HMCN2: variants seen among roughly 807,000 people sequenced by gnomAD.
HMCN2 encodes the protein hemicentin 2.
HMCN2 carries 325 observed loss-of-function variants against 377.5 expected under a neutral mutation model. The observed-to-expected ratio is 0.86, with a 90% CI of 0.79 to 0.94. The LOEUF (loss-of-function observed/expected upper bound fraction) is 0.94. Ranked by LOEUF, HMCN2 falls within the 40% of genes least tolerant of loss-of-function variation. HMCN2 has a pLI of 0.00. For synonymous variants in HMCN2, 2,007 were observed against 2,046.8 expected (o/e 0.98, Z 0.53); for missense variants, 4,543 against 4,725.3 (o/e 0.96, Z 1.13).
Position 130,393,845 on chromosome 9 carries a change from C to T in HMCN2, c.10338C>T (p.Leu3446=), listed in dbSNP as rs538029335. 1.4e-4 allele frequency: 181 copies of T among 1,289,554 alleles called. No individual in the cohort carries two copies. The African/African-American group carries it at 2.2e-3, about 15-fold the overall frequency. The allele number at this position is 1,289,554 out of a possible 1,614,324, so 79.9% of individuals were successfully genotyped here. Residue 3446 remains leucine (L), a synonymous_variant, in exon 68 of 98, where the codon CTC becomes CTT. Transcript: ENST00000683500. This position sits in a 1 kb window ranked among gnomAD's most constrained non-coding sequence, Gnocchi z 5.2. The part of the protein sequence containing the change: ...PCEARGVPLP[L]VSWMKDGEPL... ...AGGCCCGGGGCGTTCCCCTGCCTCTCGTGTCGTGGATGAAGGATGGGGAAC... is the reference window on the plus strand; with the variant it reads ...AGGCCCGGGGCGTTCCCCTGCCTCTTGTGTCGTGGATGAAGGATGGGGAAC...
chr9:130,274,763 T>G (rs1481307159), intron 1 of HMCN2, among the ~76,000 whole-genome samples: 2 of 152,200 alleles, frequency 1.3e-5, no homozygotes, highest in Non-Finnish European at 2.9e-5. Flanking sequence ...CAACTTGCTT[T>G]CTTCCCCCCA....
At chr9:130,267,816 A>G (rs1834205373) in intron 1 of HMCN2, among the ~76,000 whole-genome samples, 1 of 152,178 alleles carries the variant, frequency 6.6e-6, no homozygotes, top group Non-Finnish European at 1.5e-5. Context: ...TCAGGGGGCA[A>G]CCAAGCTGGG....
chr9:130,417,581 G>T (rs1032679152), intron 85 of HMCN2, among the ~76,000 whole-genome samples: 3 of 151,924 alleles, frequency 2.0e-5, no homozygotes, highest in Admixed American at 2.0e-4. Context: ...GGTGTGGCAG[G>T]GGAGAGAGAG....
rs1227760400 is a variant in HMCN2, at chr9:130,419,025, G to A, written c.13215G>A (p.Ala4405=). ...HNLLGSATAR[A]FLVVRGEPQG... Reference sequence around the variant, plus strand: ...TCCTGGGCTCTGCCACAGCCCGGGCGTTCCTGGTCGTGAGAGGTATGGGGC... The same window carrying A: ...TCCTGGGCTCTGCCACAGCCCGGGCATTCCTGGTCGTGAGAGGTATGGGGC... Residue 4405 remains alanine (A), a synonymous_variant, in exon 86 of 98, where the codon GCG becomes GCA. Coordinates refer to ENST00000683500, the MANE Select transcript of HMCN2 (RefSeq NM_001291815.2). The A allele has an allele frequency of 6.0e-6, 9 of 1,488,880 alleles. No homozygotes were observed. Among genetic ancestry groups the A allele is most frequent in the African/African-American group, 1.4e-5 (1 of 71,330 alleles). 92.2% of individuals were successfully genotyped at this position (1,488,880 alleles called of 1,614,324 possible).
At position 130,355,851 on chromosome 9, in the gene HMCN2, T is replaced by A. The variant is rs1203581212; in HGVS notation, c.5252T>A (p.Ile1751Asn). Residue 1751 changes from isoleucine to asparagine, a missense_variant, in exon 33 of 98, where the codon ATC becomes AAC. Transcript: ENST00000683500. Reference sequence around the variant, plus strand: ...GCCTCAGGCTCCCCAGTACCCACTATCCAGTGAGTCTGGGGTGGTGGAGGC... The same window carrying A: ...GCCTCAGGCTCCCCAGTACCCACTAACCAGTGAGTCTGGGGTGGTGGAGGC... The part of the protein sequence containing the change: ...CQASGSPVPT[I>N]QWLQNGRPAE... 4.6e-6 allele frequency: 6 copies of A among 1,296,542 alleles called. No individual in the cohort carries two copies. The highest frequency in any genetic ancestry group is 1.0e-6 in the Non-Finnish European group (1 of 982,400). The allele number at this position is 1,296,542 out of a possible 1,614,324, so 80.3% of individuals were successfully genotyped here.
chr9:130,389,521 TCCAC>T (rs1842192251), intron 62 of HMCN2, among the ~76,000 whole-genome samples: 1 of 152,086 alleles, frequency 6.6e-6, no homozygotes, highest in Non-Finnish European at 1.5e-5. Context: ...TCTGGCTTCT[TCCAC>T]TTAGCGTGTT....
intron 59 of HMCN2, 116 bp downstream of exon 59, chr9:130,384,914 G>C: frequency 1.6e-6 from 1 of 630,102 alleles, no homozygotes; most frequent in Middle Eastern, 3.2e-4. Context: ...GGGGAGGCTG[G>C]GACGCCCGCA....
chr9:130,370,576 T>C (rs907385691), intron 45 of HMCN2, among the ~76,000 whole-genome samples: 3 of 152,246 alleles, frequency 2.0e-5, no homozygotes, highest in African/African-American at 7.2e-5. Flanking sequence ...AACTGCAGCG[T>C]TGCCACTTAG....
At chr9:130,278,164 A>G (rs1425108122) in intron 1 of HMCN2, among the ~76,000 whole-genome samples, 10 of 152,020 alleles carry the variant, frequency 6.6e-5, no homozygotes, top group East Asian at 3.9e-4. Context: ...TCGCTCTGTC[A>G]CCCAGGGTGG....
At chr9:130,285,102 G>A in intron 2 of HMCN2, 56 bp from the exon 3 acceptor site, 2 of 463,270 alleles carry the variant, frequency 4.3e-6, no homozygotes, top group East Asian at 7.0e-5. Context: ...ATGTCCCTGG[G>A]TGGGTCCCAT....
intron 25 of HMCN2, among the ~76,000 whole-genome samples, chr9:130,345,358 GTATGTGGTA>G (rs1191594027): frequency 1.3e-5 from 2 of 148,486 alleles, no homozygotes; most frequent in Non-Finnish European, 3.0e-5. Context: ...TGTGTGGTGT[GTATGTGGTA>G]TGTGTGGTAT....
chr9:130,329,866 A>C (rs1838332888), intron 22 of HMCN2, among the ~76,000 whole-genome samples: 1 of 151,354 alleles, frequency 6.6e-6, no homozygotes, highest in Non-Finnish European at 1.5e-5. Context: ...CAGACACACC[A>C]CACCCCCTCC....
chr9:130,432,621 C>G, intron 97 of HMCN2, 66 bp downstream of exon 97: 1 of 1,486,380 alleles, frequency 6.7e-7, no homozygotes, highest in East Asian at 2.5e-5. Flanking sequence ...ACTGGGGGTG[C>G]AGGCTGGCCC....
chr9:130,356,309 G>T, intron 34 of HMCN2, 52 bp downstream of exon 34: 2 of 1,254,870 alleles, frequency 1.6e-6, no homozygotes, highest in African/African-American at 1.5e-5. Context: ...GATGCCAGGG[G>T]TGGGTGGAGC....
At chr9:130,266,366 G>A (rs1834100362) in intron 1 of HMCN2, among the ~76,000 whole-genome samples, 1 of 151,394 alleles carries the variant, frequency 6.6e-6, no homozygotes, top group Non-Finnish European at 1.5e-5. Flanking sequence ...CAAGGAACCT[G>A]CTCTCCCTGC....
At chr9:130,363,759 G>C (rs1251693131) in intron 40 of HMCN2, among the ~76,000 whole-genome samples, 1 of 149,144 alleles carries the variant, frequency 6.7e-6, no homozygotes, top group Non-Finnish European at 1.5e-5. Flanking sequence ...GGAGGTAGAG[G>C]TTGCAGTGAG....
At chr9:130,345,325 G>C (rs1210357482) in intron 25 of HMCN2, among the ~76,000 whole-genome samples, 1 of 134,078 alleles carries the variant, frequency 7.5e-6, no homozygotes, top group African/African-American at 3.1e-5. Flanking sequence ...TGATATGTAT[G>C]CTGTGTGTGT....
At chr9:130,370,293 C>T (rs931474724) in intron 45 of HMCN2, among the ~76,000 whole-genome samples, 4 of 152,172 alleles carry the variant, frequency 2.6e-5, no homozygotes, top group Admixed American at 6.5e-5. Flanking sequence ...AGGAGTTAGG[C>T]AGCTGCTAGG....
At chr9:130,309,642 G>C (rs377166771) in intron 14 of HMCN2, among the ~76,000 whole-genome samples, 13 of 152,252 alleles carry the variant, frequency 8.5e-5, no homozygotes, top group Admixed American at 6.5e-4. Context: ...ACACCAGCGG[G>C]GGGGGTCCAA....
Sources: gnomAD v4.1 joint callset for allele counts (sites outside exome capture counted in the v4.1 genomes callset) on GRCh38, gnomAD v4.1.1 for gene constraint, Gnocchi (gnomAD v3.1) non-coding constraint, MANE v1.5 for transcripts, NCBI Gene and HGNC (gene_info 2026-07-23, HGNC 2026-07-21) for gene names.